CEP128: variants seen among roughly 807,000 people sequenced by gnomAD.
The protein encoded by CEP128 is centrosomal protein 128kDa.
In CEP128, 132 loss-of-function variants were observed where a neutral mutation model predicts 156.7. The ratio of observed to expected loss-of-function variants is 0.84; its 90% CI spans 0.73 to 0.97. CEP128 has a LOEUF of 0.97. Among genes scored for constraint, CEP128 ranks in the 50% least tolerant of loss-of-function variants. The pLI, the probability that CEP128 is intolerant of heterozygous loss-of-function variation, is 0.00. For synonymous variants in CEP128, 469 were observed against 448.9 expected, an observed-to-expected ratio of 1.04 and a Z score of -0.57; for missense variants, 1,252 against 1,281.9, an observed-to-expected ratio of 0.98 and a Z score of 0.36.
At chr14:80,788,852 C>T (rs1036011639) in intron 14 of CEP128, among the ~76,000 whole-genome samples, 6 of 152,170 alleles carry the variant, frequency 3.9e-5, no homozygotes, top group South Asian at 2.1e-4. Context: ...AATCCCAATC[C>T]GAAATGGCTT....
At position 80,604,076 on chromosome 14, in the gene CEP128, C is replaced by T. The variant is rs191337101; in HGVS notation, c.2807-23653G>A. On this transcript the variant is annotated intron_variant, in intron 19 of 24. Coordinates refer to ENST00000555265, the MANE Select transcript of CEP128 (RefSeq NM_152446.5). ...TTTTCTAGTTCTATACATTCTACTT[C>T]TAAAACATCTCCTGAAATTCTCCCC... Among the ~76,000 whole-genome samples the T allele has an allele frequency of 5.9e-5, 9 of 152,282 alleles. No individual in the cohort carries two copies. The East Asian group carries it at 1.7e-3, about 29-fold the overall frequency.
intron 19 of CEP128, among the ~76,000 whole-genome samples, chr14:80,729,058 G>GGGTGTGTGTGTGTGTGTGTGTGT (rs1898141728): frequency 9.5e-6 from 1 of 105,024 alleles, no homozygotes; most frequent in East Asian, 3.1e-4. Flanking sequence ...GGCTGGTGGG[G>GGGTGTGTGTGTGTGTGTGTGTGT]GTGTGTGTGT....
At chr14:80,641,181 A>G (rs1235653833) in intron 19 of CEP128, among the ~76,000 whole-genome samples, 1 of 152,148 alleles carries the variant, frequency 6.6e-6, no homozygotes, top group Non-Finnish European at 1.5e-5. Context: ...TAAACCATTA[A>G]CCATCTTCAT....
chr14:80,651,924 C>T (rs943657991), intron 19 of CEP128, among the ~76,000 whole-genome samples: 3 of 152,010 alleles, frequency 2.0e-5, no homozygotes, highest in Non-Finnish European at 4.4e-5. Flanking sequence ...CTGTAGATAT[C>T]TATTAGGTCT....
chr14:80,675,373 T>C (rs1896018284), intron 19 of CEP128, among the ~76,000 whole-genome samples: 1 of 152,062 alleles, frequency 6.6e-6, no homozygotes, highest in Non-Finnish European at 1.5e-5. Context: ...TATAAGATGT[T>C]TTTTAAGAGA....
intron 13 of CEP128, among the ~76,000 whole-genome samples, chr14:80,820,826 C>T (rs979127141): frequency 3.3e-5 from 5 of 152,166 alleles, no homozygotes; most frequent in Non-Finnish European, 7.4e-5. Flanking sequence ...ATGAGAATTG[C>T]CACAAGTTTG....
At chr14:80,736,562 A>C (rs1898543786) in intron 19 of CEP128, among the ~76,000 whole-genome samples, 3 of 152,106 alleles carry the variant, frequency 2.0e-5, no homozygotes, top group Admixed American at 2.0e-4. Flanking sequence ...ATATTTTGGA[A>C]GAGGAAAAAT....
chr14:80,863,065 T>G (rs899861568), intron 8 of CEP128, among the ~76,000 whole-genome samples, 192 bp from the exon 9 acceptor site: 1 of 152,126 alleles, frequency 6.6e-6, no homozygotes, highest in African/African-American at 2.4e-5. Context: ...CAAAAGAAAG[T>G]CATCACTGAT....
At chr14:80,830,221 T>A (rs1165901947) in intron 13 of CEP128, 3 of 656,138 alleles carry the variant, frequency 4.6e-6, no homozygotes, top group Non-Finnish European at 8.2e-6. Context: ...AGTATGTCAA[T>A]ATTTCATTAT....
intron 19 of CEP128, among the ~76,000 whole-genome samples, chr14:80,716,610 T>G (rs1897615491): frequency 6.6e-6 from 1 of 152,212 alleles, no homozygotes; most frequent in African/African-American, 2.4e-5. Context: ...AATAGTCCAC[T>G]GTATGACTAT....
intron 8 of CEP128, among the ~76,000 whole-genome samples, chr14:80,880,917 A>G (rs1254879099): frequency 6.9e-6 from 1 of 145,806 alleles, no homozygotes; most frequent in Non-Finnish European, 1.5e-5. Flanking sequence ...TAATTTCAGT[A>G]AAGGATACAA....
At chr14:80,820,883 AT>A (rs1595454149) in intron 13 of CEP128, among the ~76,000 whole-genome samples, 1 of 152,294 alleles carries the variant, frequency 6.6e-6, no homozygotes. Context: ...ACAATCTAAC[AT>A]TTTATCATTA....
chr14:80,938,269 CAG>C (rs1349363688), intron 2 of CEP128, among the ~76,000 whole-genome samples: 3 of 89,308 alleles, frequency 3.4e-5, no homozygotes, highest in African/African-American at 1.2e-4. Flanking sequence ...TTTTTTGAGA[CAG>C]AGTCTTGCTC....
downstream of CEP128, among the ~76,000 whole-genome samples, chr14:80,486,545 G>A (rs896227253): frequency 6.6e-6 from 1 of 151,924 alleles, no homozygotes; most frequent in Non-Finnish European, 1.5e-5. Flanking sequence ...CTCGAGAAGA[G>A]CAACTCCAAG....
At chr14:80,680,694 G>C (rs576139860) in intron 19 of CEP128, among the ~76,000 whole-genome samples, 1 of 152,242 alleles carries the variant, frequency 6.6e-6, no homozygotes, top group East Asian at 1.9e-4. Flanking sequence ...TCCTAGATTA[G>C]AAGTGTAGGC....
chr14:80,695,685 C>G (rs1162209731), intron 19 of CEP128, among the ~76,000 whole-genome samples: 1 of 149,122 alleles, frequency 6.7e-6, no homozygotes, highest in Non-Finnish European at 1.5e-5. Flanking sequence ...CCATTGCACT[C>G]CAGCCTGGGC....
At chr14:80,799,394 C>G (rs1160497396) in intron 13 of CEP128, among the ~76,000 whole-genome samples, 1 of 152,104 alleles carries the variant, frequency 6.6e-6, no homozygotes, top group Admixed American at 6.5e-5. Context: ...GTTAAGCGTA[C>G]AGATTGATTG....
At chr14:80,490,303 C>T (rs1231271770), downstream of CEP128, among the ~76,000 whole-genome samples, 2 of 151,956 alleles carry the variant, frequency 1.3e-5, no homozygotes, top group Non-Finnish European at 2.9e-5. Flanking sequence ...CTTCATATGA[C>T]AATGTCAAAA....
chr14:80,512,965 C>T (rs369020674), intron 23 of CEP128, among the ~76,000 whole-genome samples: 2 of 152,106 alleles, frequency 1.3e-5, no homozygotes, highest in South Asian at 2.1e-4. Context: ...TTTTGATTGG[C>T]TTATCTTTTA....
Sources: gnomAD v4.1 joint callset for allele counts (sites outside exome capture counted in the v4.1 genomes callset) on GRCh38, gnomAD v4.1.1 for gene constraint, MANE v1.5 for transcripts, NCBI Gene and HGNC (gene_info 2026-07-23, HGNC 2026-07-21) for gene names.